LIN7A: variants seen among roughly 807,000 people sequenced by gnomAD.
LIN7A encodes the protein lin-7 cell polarity scaffold A.
LIN7A carries 25 observed loss-of-function variants against 29.8 expected under a neutral mutation model. The observed-to-expected ratio is 0.84, with a 90% confidence interval of 0.61 to 1.17. The LOEUF is 1.17. LIN7A is among the 50% of genes most tolerant of loss of function. LIN7A has a pLI of 0.00. For missense variants in LIN7A, 239 were observed against 287.0 expected (o/e 0.83, Z 1.21); for synonymous variants, 118 against 107.5 (o/e 1.10, Z -0.60).
At chr12:80,852,153 A>G (rs1203683425) in intron 2 of LIN7A, among the ~76,000 whole-genome samples, 1 of 152,132 alleles carries the variant, frequency 6.6e-6, no homozygotes, top group Non-Finnish European at 1.5e-5. Flanking sequence ...TAAGTGAAAA[A>G]TTTCCATTTT....
chr12:80,879,368 T>G (rs975435462), intron 2 of LIN7A, among the ~76,000 whole-genome samples: 3 of 152,158 alleles, frequency 2.0e-5, no homozygotes, highest in Admixed American at 2.0e-4. Context: ...TAAATGTTCA[T>G]ATCATTTATT....
intron 4 of LIN7A, among the ~76,000 whole-genome samples, chr12:80,819,983 A>G (rs1871717963): frequency 6.6e-6 from 1 of 152,210 alleles, no homozygotes; most frequent in Admixed American, 6.5e-5. Context: ...TTAATAGTGT[A>G]TGGGGCTTGT....
At chr12:80,802,395 T>C (rs948008537) in intron 5 of LIN7A, among the ~76,000 whole-genome samples, 4 of 152,186 alleles carry the variant, frequency 2.6e-5, no homozygotes, top group Non-Finnish European at 5.9e-5. Context: ...TGCTCCCTTA[T>C]CTTAGCTATT....
At chr12:80,832,943 G>A (rs1263347808) in intron 4 of LIN7A, among the ~76,000 whole-genome samples, 2 of 152,008 alleles carry the variant, frequency 1.3e-5, no homozygotes, top group Non-Finnish European at 2.9e-5. Flanking sequence ...TTACTGGCCA[G>A]GATAAACATT....
intron 4 of LIN7A, among the ~76,000 whole-genome samples, chr12:80,845,327 A>G (rs1176223943): frequency 6.6e-6 from 1 of 152,104 alleles, no homozygotes; most frequent in Non-Finnish European, 1.5e-5. Flanking sequence ...TTCCTCTGTA[A>G]TTAAAATGAA....
intron 1 of LIN7A, among the ~76,000 whole-genome samples, chr12:80,920,006 A>G (rs1330476371): frequency 6.6e-6 from 1 of 152,196 alleles, no homozygotes; most frequent in Non-Finnish European, 1.5e-5. Context: ...GAGCACCTCA[A>G]ATGGTTAAGT....
chr12:80,896,024 G>C (rs186743314), intron 1 of LIN7A, among the ~76,000 whole-genome samples: 152 of 152,316 alleles, frequency 1.0e-3, no homozygotes, highest in African/African-American at 3.4e-3. Context: ...TGACTTTAAA[G>C]GTGCTTTTCT....
At chr12:80,817,532 G>T (rs9788209) in intron 4 of LIN7A, among the ~76,000 whole-genome samples, 14,919 of 152,122 alleles carry the variant, frequency 0.098, 796 homozygotes, top group East Asian at 0.19. Flanking sequence ...CTACAGCCAG[G>T]TTTATGCATA....
intron 1 of LIN7A, 77 bp downstream of exon 1, chr12:80,937,564 C>G: frequency 9.1e-7 from 1 of 1,102,910 alleles, no homozygotes; most frequent in Non-Finnish European, 1.2e-6. Flanking sequence ...GTCCCATGTC[C>G]CGTTGGGAAT....
At position 80,889,262 on chromosome 12, in the gene LIN7A, C is replaced by G; in HGVS notation, c.190G>C (p.Ala64Pro). The G allele has an allele frequency of 1.9e-6, 3 of 1,594,168 alleles. No individual in the cohort carries two copies. Among genetic ancestry groups the G allele is most frequent in the Non-Finnish European group, 2.6e-6 (3 of 1,162,288 alleles). ...KKVLQSEFCTAIREVYQYMHE... is the reference protein window; with the variant it reads ...KKVLQSEFCTPIREVYQYMHE... ...TTTTAGTGCCATACCTCTCGAATAG[C>G]TGTACAAAACTCACTCTGAAGCACT... Residue 64 changes from alanine to proline, a missense_variant, in exon 2 of 6, where the codon GCT (alanine) becomes CCT (proline). By Grantham distance (27) the Ala-to-Pro change is conservative. Coordinates refer to ENST00000552864, the MANE Select transcript of LIN7A (RefSeq NM_004664.4).
intron 2 of LIN7A, among the ~76,000 whole-genome samples, chr12:80,867,069 C>A (rs1025043247): frequency 3.3e-5 from 5 of 152,040 alleles, no homozygotes; most frequent in Non-Finnish European, 5.9e-5. Flanking sequence ...CCTCTTGCCT[C>A]GCCCCCCAAG....
chr12:80,807,074 T>TTTTTTTTTTTTTTG (rs1565883783), intron 5 of LIN7A, among the ~76,000 whole-genome samples: 18 of 47,056 alleles, frequency 3.8e-4, no homozygotes, highest in African/African-American at 1.4e-3. Context: ...TTTTTTTTTT[T>TTTTTTTTTTTTTTG]TTTTTTTTTT....
chr12:80,861,605 C>G lies in LIN7A; in HGVS notation c.202-13283G>C, dbSNP rs535123514. On this transcript the variant is annotated intron_variant, in intron 2 of 5. Transcript: ENST00000552864. ...GAAGCAGATACACCCTGAGATGCCA[C>G]TGCCTTTACTGTCCTGACTGTCTCC... 3 of 152,440 alleles carry G rather than the reference C, an allele frequency of 2.0e-5. No individual in the cohort carries two copies. In the East Asian group the frequency reaches 5.8e-4, roughly 29 times the overall value. 9.4% of individuals were successfully genotyped at this position (152,440 alleles called of 1,614,324 possible).
intron 1 of LIN7A, among the ~76,000 whole-genome samples, chr12:80,899,982 T>A (rs554084552): frequency 6.6e-6 from 1 of 151,842 alleles, no homozygotes; most frequent in African/African-American, 2.4e-5. Context: ...TTAGTCAGGA[T>A]GGTCTCCATC....
rs374156018 is a variant in LIN7A at position 80,854,651 on chromosome 12, C to T, written c.202-6329G>A. On this transcript the variant is annotated intron_variant, in intron 2 of 5. Coordinates refer to ENST00000552864, the MANE Select transcript of LIN7A (RefSeq NM_004664.4). ...GATGAAATTTTTGGGAATGTTGGAA[C>T]TGTTCTATATATTCATAATCATGTA... Among the ~76,000 whole-genome samples the T allele has an allele frequency of 2.2e-4, 33 of 152,092 alleles. 1 individual carries two copies. Among genetic ancestry groups the T allele is most frequent in the African/African-American group, 7.5e-4 (31 of 41,506 alleles).
In LIN7A at chr12:80,811,507, T is replaced by C; in HGVS notation, c.660A>G (p.Gln220=). ...GTTGTGTTTGTTGCTGCTGCTGCTG[T>C]TGCTGCTGCTGAATTAGCAATTGCT... ...QQQQLLIQQQ[Q]QQQQQQTQQN... Residue 220 remains glutamine, a synonymous_variant, in exon 5 of 6, where the codon CAA becomes CAG. Transcript: ENST00000552864. The C allele has an allele frequency of 6.3e-7, 1 of 1,597,746 alleles. No homozygotes were observed. The highest frequency in any genetic ancestry group is 8.6e-7 in the Non-Finnish European group (1 of 1,168,772).
chr12:80,911,268 ATTTTTTT>A (rs768907424), intron 1 of LIN7A, among the ~76,000 whole-genome samples: 9 of 105,890 alleles, frequency 8.5e-5, no homozygotes, highest in South Asian at 3.0e-4. Flanking sequence ...AAGTTTGTCT[ATTTTTTT>A]TTTTTTTTTT....
intron 2 of LIN7A, among the ~76,000 whole-genome samples, chr12:80,889,002 A>T (rs1875483276): frequency 6.6e-6 from 1 of 152,120 alleles, no homozygotes; most frequent in African/African-American, 2.4e-5. Context: ...TACATGCAAC[A>T]GTCACCTGCT....
At chr12:80,834,540 T>G (rs1872524939) in intron 4 of LIN7A, among the ~76,000 whole-genome samples, 1 of 152,180 alleles carries the variant, frequency 6.6e-6, no homozygotes, top group African/African-American at 2.4e-5. Context: ...AGGAAAGGCC[T>G]ATGATCAAAT....
Sources: gnomAD v4.1 joint callset for allele counts (sites outside exome capture counted in the v4.1 genomes callset) on GRCh38, gnomAD v4.1.1 for gene constraint, MANE v1.5 for transcripts, NCBI Gene and HGNC (gene_info 2026-07-23, HGNC 2026-07-21) for gene names.